LRRC7: variants seen among roughly 807,000 people sequenced by gnomAD.
LRRC7 encodes leucine rich repeat containing 7.
In LRRC7, 23 loss-of-function variants were observed where a neutral mutation model predicts 175.7. The observed-to-expected ratio is 0.13, with a 90% CI of 0.09 to 0.19. LRRC7 has a LOEUF of 0.19. Ranked by LOEUF, LRRC7 falls within the 10% of genes least tolerant of loss-of-function variation. The probability of loss-of-function intolerance (pLI) is 1.00; values close to 1 mark genes in which losing one functional copy is unlikely to be tolerated. For missense variants in LRRC7, 1,354 were observed against 1,904.7 expected, an observed-to-expected ratio of 0.71 and a Z score of 5.38; for synonymous variants, 685 against 680.9, an observed-to-expected ratio of 1.01 and a Z score of -0.09.
intron 8 of LRRC7, among the ~76,000 whole-genome samples, chr1:69,952,368 T>C (rs1557925217): frequency 6.6e-6 from 1 of 152,094 alleles, no homozygotes; most frequent in Non-Finnish European, 1.5e-5. Context: ...GTATTTATTA[T>C]ATGGGTGGAT....
intron 24 of LRRC7, among the ~76,000 whole-genome samples, chr1:70,077,015 C>A (rs1267576072): frequency 1.3e-5 from 2 of 152,100 alleles, no homozygotes; most frequent in African/African-American, 4.8e-5. Flanking sequence ...AAATTAATTT[C>A]TCTTATTTCA....
chr1:69,987,052 G>A (rs1233072230), intron 10 of LRRC7, among the ~76,000 whole-genome samples: 1 of 152,146 alleles, frequency 6.6e-6, no homozygotes, highest in Non-Finnish European at 1.5e-5. Flanking sequence ...AACCAGCCTA[G>A]CCAATATGGT....
rs984482276 is a variant in LRRC7 at position 69,640,117 on chromosome 1, C to T, written c.3-38264C>T. Among the ~76,000 whole-genome samples the T allele has an allele frequency of 8.6e-5, 13 of 151,596 alleles. No individual in the cohort carries two copies. The South Asian group carries it at 1.9e-3, about 22-fold the overall frequency. On this transcript the variant is annotated intron_variant, in intron 1 of 26. Transcript: ENST00000651989. Reference sequence around the variant, plus strand: ...CCTAAATGTCTTCAGCTTGAAGTCTCCAGAAGGATACAGGTCTGAGGAAAA... The same window carrying T: ...CCTAAATGTCTTCAGCTTGAAGTCTTCAGAAGGATACAGGTCTGAGGAAAA...
chr1:69,573,135 C>T (rs11209493), intron 1 of LRRC7, among the ~76,000 whole-genome samples: 59,717 of 151,890 alleles, frequency 0.39, 12,074 homozygotes, highest in Middle Eastern at 0.49. Context: ...AATAATCCTA[C>T]AGGAAGCATG....
In LRRC7 at chr1:70,030,724, A is replaced by G. The variant is rs150860120; in HGVS notation, c.1995+2353A>G. On this transcript the variant is annotated intron_variant, in intron 18 of 26. Transcript: ENST00000651989. ...AATATAGAAAACCCCCAAAAAAAGA[A>G]TAAAGGTAGGCATGACCAGAAGTGG... is the stretch of plus-strand genomic sequence containing the variant. Among the ~76,000 whole-genome samples the G allele has an allele frequency of 6.5e-4, 99 of 152,358 alleles. No individual in the cohort carries two copies. The East Asian group carries it at 0.018, about 28-fold the overall frequency.
chr1:69,916,251 A>C (rs980708993), intron 7 of LRRC7, among the ~76,000 whole-genome samples: 3 of 132,400 alleles, frequency 2.3e-5, no homozygotes, highest in Non-Finnish European at 4.7e-5. Context: ...ATATAAAATA[A>C]AAATATAAAT....
At chr1:69,599,298 G>A (rs1023524878) in intron 1 of LRRC7, among the ~76,000 whole-genome samples, 1 of 152,106 alleles carries the variant, frequency 6.6e-6, no homozygotes, top group Admixed American at 6.6e-5. Context: ...ATGCAGACTG[G>A]CAACTTTCTT....
intron 8 of LRRC7, among the ~76,000 whole-genome samples, chr1:69,948,477 C>A (rs1649572217): frequency 6.6e-6 from 1 of 152,236 alleles, no homozygotes; most frequent in Middle Eastern, 3.4e-3. Context: ...AGTGGATTTT[C>A]CCCTACCCCA....
chr1:69,942,132 G>A (rs1648786623), intron 8 of LRRC7, among the ~76,000 whole-genome samples: 1 of 152,088 alleles, frequency 6.6e-6, no homozygotes, highest in African/African-American at 2.4e-5. Context: ...GGCACAGTGG[G>A]CAGTAGGAGG....
intron 17 of LRRC7, among the ~76,000 whole-genome samples, chr1:70,025,053 G>T (rs1323841781): frequency 6.6e-6 from 1 of 151,966 alleles, no homozygotes; most frequent in African/African-American, 2.4e-5. Context: ...AGTAACACTT[G>T]TGTAGCATAA....
intron 1 of LRRC7, among the ~76,000 whole-genome samples, chr1:69,663,400 G>A (rs147448955): frequency 2.3e-3 from 350 of 152,102 alleles, no homozygotes; most frequent in Non-Finnish European, 3.6e-3. Flanking sequence ...TTTTGATACC[G>A]GCATGCAATG....
intron 1 of LRRC7, among the ~76,000 whole-genome samples, chr1:69,626,519 A>G (rs1027070137): frequency 6.6e-6 from 1 of 151,816 alleles, no homozygotes; most frequent in Admixed American, 6.6e-5. Flanking sequence ...CAGAAGTTTC[A>G]CTTTAGTGTA....
Position 69,718,842 on chromosome 1 carries a change from G to A in LRRC7, c.100+40364G>A, listed in dbSNP as rs11209525. ...TCCTGAAAATTCTAGGAGAATGATTGAGGGAAAAAAAGCTTTTGGATATTG... is the reference window on the plus strand; with the variant it reads ...TCCTGAAAATTCTAGGAGAATGATTAAGGGAAAAAAAGCTTTTGGATATTG... On this transcript the variant is annotated intron_variant, in intron 2 of 26. Transcript: ENST00000651989. 5.3e-3 allele frequency among the ~76,000 whole-genome samples: 808 copies of A among 151,888 alleles called. 4 individuals carry two copies. Among genetic ancestry groups the A allele is most frequent in the African/African-American group, 0.019 (771 of 41,504 alleles).
At chr1:69,875,711 T>C (rs1468779845) in intron 7 of LRRC7, among the ~76,000 whole-genome samples, 1 of 152,044 alleles carries the variant, frequency 6.6e-6, no homozygotes, top group Non-Finnish European at 1.5e-5. Flanking sequence ...CAATATATAC[T>C]TTTTAAAAAA....
At chr1:69,739,287 G>T (rs1043238427) in intron 2 of LRRC7, among the ~76,000 whole-genome samples, 3 of 152,048 alleles carry the variant, frequency 2.0e-5, no homozygotes, top group Non-Finnish European at 4.4e-5. Flanking sequence ...TCCTGGCCTT[G>T]CTGGGGGCTC....
chr1:69,587,451 T>C (rs1646446892), intron 1 of LRRC7, among the ~76,000 whole-genome samples: 1 of 152,162 alleles, frequency 6.6e-6, no homozygotes, highest in Non-Finnish European at 1.5e-5. Context: ...TGAGATTTTG[T>C]GAAATACAGG....
chr1:69,775,937 G>A (rs1171316500), intron 3 of LRRC7, among the ~76,000 whole-genome samples: 13 of 152,128 alleles, frequency 8.5e-5, no homozygotes, highest in Admixed American at 8.5e-4. Context: ...AATAATGTAA[G>A]CTCACCCTTA....
At chr1:69,642,736 A>G (rs1216039457) in intron 1 of LRRC7, among the ~76,000 whole-genome samples, 8 of 152,082 alleles carry the variant, frequency 5.3e-5, no homozygotes, top group African/African-American at 1.9e-4. Flanking sequence ...AATAGACTGA[A>G]AACTTTATGA....
intron 2 of LRRC7, among the ~76,000 whole-genome samples, chr1:69,703,930 T>C (rs1274588968): frequency 2.6e-5 from 4 of 152,012 alleles, no homozygotes; most frequent in African/African-American, 9.6e-5. Flanking sequence ...GAAAAAGGAT[T>C]TGGTCAGCGT....
Sources: gnomAD v4.1 joint callset for allele counts (sites outside exome capture counted in the v4.1 genomes callset) on GRCh38, gnomAD v4.1.1 for gene constraint, MANE v1.5 for transcripts, NCBI Gene and HGNC (gene_info 2026-07-23, HGNC 2026-07-21) for gene names.